SHPRH: variants seen among roughly 807,000 people sequenced by gnomAD.
SHPRH encodes the protein E3 ubiquitin-protein ligase SHPRH.
A neutral mutation model predicts 202.5 loss-of-function variants in SHPRH; 106 were observed. That is an observed-to-expected ratio of 0.52 (90% confidence interval 0.45 to 0.62). The LOEUF is 0.62. SHPRH is among the 20% of genes least tolerant of loss of function. The pLI, the probability that SHPRH is intolerant of heterozygous loss-of-function variation, is 0.00. For synonymous variants in SHPRH, 729 were observed against 686.0 expected, an observed-to-expected ratio of 1.06 and a Z score of -0.98; for missense variants, 1,710 against 2,020.0, an observed-to-expected ratio of 0.85 and a Z score of 2.94.
intron 7 of SHPRH, 112 bp from the exon 8 acceptor site, chr6:145,945,749 A>T: frequency 3.4e-6 from 4 of 1,182,074 alleles, no homozygotes; most frequent in Non-Finnish European, 4.5e-6. Context: ...AATAAATCAA[A>T]GATTTATTAC....
At chr6:145,899,224 A>G (rs192388416) in intron 25 of SHPRH, among the ~76,000 whole-genome samples, 82 of 152,284 alleles carry the variant, frequency 5.4e-4, no homozygotes, top group Non-Finnish European at 8.1e-4. Context: ...GGAACCACAA[A>G]AGACCTTGGA....
downstream of SHPRH, among the ~76,000 whole-genome samples, chr6:145,863,007 T>C (rs376818709): frequency 2.0e-5 from 3 of 152,296 alleles, no homozygotes; most frequent in African/African-American, 4.8e-5. Flanking sequence ...TAAGAGCAAA[T>C]TGTGTAGTGT....
In SHPRH at chr6:145,940,812, G is replaced by A. The variant is rs1221907927; in HGVS notation, c.2491-11C>T. ...GGCCATTTCTGCAGCCTGATGAGAG[G>A]GAAAAATGAAATAAAAATGAAATCC... On this transcript the variant is annotated splice_polypyrimidine_tract_variant and intron_variant, in intron 10 of 29. Transcript: ENST00000275233. 1.9e-6 allele frequency: 3 copies of A among 1,612,862 alleles called. No homozygotes were observed. The highest frequency in any genetic ancestry group is 2.5e-6 in the Non-Finnish European group (3 of 1,179,544).
At position 145,922,761 on chromosome 6, in the gene SHPRH, T is replaced by A. The variant is rs757990376; in HGVS notation, c.3621A>T (p.Val1207=). The change falls in exon 19 of 30, where the codon GTA becomes GTT. Residue 1207 remains valine, a synonymous_variant. Coordinates refer to ENST00000275233, the MANE Select transcript of SHPRH (RefSeq NM_001042683.3). ...CCTCCAGGTTTTTTACAGCCTCTCT[T>A]ACTAGCTTCTGGCATTTATTTAGCT... ...MEELNKCQKL[V]REAVKNLEGP... is the part of the protein sequence containing the mutation. 8 of 1,612,104 alleles carry A rather than the reference T, an allele frequency of 5.0e-6. No homozygotes were observed. The African/African-American group carries it at 9.4e-5, about 19-fold the overall frequency.
chr6:145,865,326 T>C (rs1583244993), intron 2 of SHPRH, among the ~76,000 whole-genome samples: 1 of 152,182 alleles, frequency 6.6e-6, no homozygotes, highest in African/African-American at 2.4e-5. Flanking sequence ...CAGAGAGCTT[T>C]CACTTTCTCT....
At chr6:145,907,682 G>T (rs1783088735) in intron 25 of SHPRH, 1 of 151,852 alleles carries the variant, frequency 6.6e-6, no homozygotes, top group South Asian at 2.1e-4. Context: ...CTCTGTCTGG[G>T]AGCCAACCTA....
chr6:145,948,411 T>A, intron 4 of SHPRH, 61 bp from the exon 5 acceptor site: 1 of 1,313,652 alleles, frequency 7.6e-7, no homozygotes, highest in Admixed American at 1.9e-5. Context: ...GATAATCACA[T>A]TAAAAAAAGA....
chr6:145,891,688 T>C (rs1025736141), intron 28 of SHPRH, among the ~76,000 whole-genome samples: 9 of 152,162 alleles, frequency 5.9e-5, no homozygotes, highest in African/African-American at 2.2e-4. Context: ...TCTGATTGTA[T>C]ATGTTTCCCC....
intron 2 of SHPRH, among the ~76,000 whole-genome samples, chr6:145,870,259 A>ATTTTTTTTTTT (rs146513776): frequency 1.9e-5 from 2 of 107,764 alleles, no homozygotes; most frequent in East Asian, 5.4e-4. Flanking sequence ...ATCGTTTCAG[A>ATTTTTTTTTTT]TTTTTTTTTT....
At chr6:145,890,060 T>G (rs2128711842) in intron 28 of SHPRH, among the ~76,000 whole-genome samples, 1 of 152,334 alleles carries the variant, frequency 6.6e-6, no homozygotes, top group Admixed American at 6.5e-5. Context: ...AATCATTTTC[T>G]TACTAATTCT....
intron 2 of SHPRH, chr6:145,877,548 G>A (rs986015160): frequency 5.3e-5 from 8 of 152,210 alleles, no homozygotes; most frequent in Non-Finnish European, 1.2e-4. Context: ...TCCTTGCCAT[G>A]CCTCGAAATT....
At chr6:145,876,058 G>A (rs767311474) in intron 2 of SHPRH, among the ~76,000 whole-genome samples, 6 of 152,156 alleles carry the variant, frequency 3.9e-5, no homozygotes, top group Non-Finnish European at 8.8e-5. Context: ...ACAAGTCAGT[G>A]GTTTTTAGTA....
At chr6:145,935,535 A>C in intron 11 of SHPRH, 94 bp from the exon 12 acceptor site, 1 of 1,193,328 alleles carries the variant, frequency 8.4e-7, no homozygotes, top group Non-Finnish European at 1.2e-6. Flanking sequence ...AGCACATAGA[A>C]CTTTCCATGA....
chr6:145,883,736 T>C (rs1282424292), downstream of SHPRH: 1 of 152,216 alleles, frequency 6.6e-6, no homozygotes, highest in East Asian at 1.9e-4. Flanking sequence ...TTGCTTGTAC[T>C]AGACTGTTGT....
chr6:145,920,378 C>T (rs1784340346), intron 21 of SHPRH, among the ~76,000 whole-genome samples: 2 of 152,026 alleles, frequency 1.3e-5, no homozygotes, highest in Non-Finnish European at 2.9e-5. Flanking sequence ...ACTGTGTTAA[C>T]GTGCTTTGTA....
Position 145,952,371 on chromosome 6 carries a change from C to G in SHPRH, c.741G>C (p.Lys247Asn), listed in dbSNP as rs1242876042. The change falls in exon 3 of 30, where the codon AAG (lysine) becomes AAC (asparagine). Residue 247 changes from lysine (K) to asparagine (N), a missense_variant. Transcript: ENST00000275233. ...FNQLMKKVME[K>N]LHNSIIPDVL... Reference sequence around the variant, plus strand: ...TACCTGGAATAATAGAATTGTGTAACTTTTCCATTACTTTCTTCATGAGCT... The same window carrying G: ...TACCTGGAATAATAGAATTGTGTAAGTTTTCCATTACTTTCTTCATGAGCT... 1 of 1,602,754 alleles carries G rather than the reference C, an allele frequency of 6.2e-7. No homozygotes were observed. The highest frequency in any genetic ancestry group is 1.3e-5 in the African/African-American group (1 of 74,488).
At position 145,955,195 on chromosome 6, in the gene SHPRH, G is replaced by C; in HGVS notation, c.128C>G (p.Pro43Arg). Reference protein sequence around the residue: ...PIIISDDDEQPCPGSDTSSAH... With the variant: ...PIIISDDDEQRCPGSDTSSAH... Reference sequence around the variant, plus strand: ...AGAAGAGGTATCTGAACCTGGGCAGGGCTGCTCGTCATCATCACTTATGAT... The same window carrying C: ...AGAAGAGGTATCTGAACCTGGGCAGCGCTGCTCGTCATCATCACTTATGAT... Residue 43 changes from proline to arginine, a missense_variant, in exon 2 of 30, where the codon CCC becomes CGC. Physicochemically the swap from Pro to Arg is moderately radical, Grantham distance 103 (BLOSUM62 -2). This residue lies in a region of SHPRH where 459 missense variants were observed against 426.5 expected (regional missense o/e 1.08). Coordinates refer to ENST00000275233, the MANE Select transcript of SHPRH (RefSeq NM_001042683.3). 6.2e-7 allele frequency: 1 copy of C among 1,613,660 alleles called. No individual in the cohort carries two copies. The highest frequency in any genetic ancestry group is 8.5e-7 in the Non-Finnish European group (1 of 1,179,924).
intron 1 of SHPRH, among the ~76,000 whole-genome samples, chr6:145,959,146 T>C (rs1340913937): frequency 6.6e-6 from 1 of 152,180 alleles, no homozygotes; most frequent in Non-Finnish European, 1.5e-5. Flanking sequence ...CATTACTTTA[T>C]TTTTTAATAA....
intron 21 of SHPRH, among the ~76,000 whole-genome samples, chr6:145,919,799 T>C (rs1229971754): frequency 6.6e-6 from 1 of 152,148 alleles, no homozygotes; most frequent in Non-Finnish European, 1.5e-5. Context: ...AATAGTTTTA[T>C]TATAACATAT....
Sources: allele counts gnomAD v4.1 joint callset (sites outside exome capture counted in the v4.1 genomes callset), GRCh38; gene constraint gnomAD v4.1.1; regional missense constraint gnomAD v4.1.1; transcripts MANE v1.5; gene names NCBI Gene and HGNC (gene_info 2026-07-23, HGNC 2026-07-21).